The following RNF216 variants were observed in gnomAD, a reference collection of about 807,000 sequenced individuals.
RNF216 encodes E3 ubiquitin-protein ligase RNF216.
A neutral mutation model predicts 110.8 loss-of-function variants in RNF216; 72 were observed. That is an observed-to-expected ratio of 0.65 (90% confidence interval 0.54 to 0.79). The LOEUF is 0.79. RNF216 is among the 30% of genes least tolerant of loss of function. The pLI, the probability that RNF216 is intolerant of heterozygous loss-of-function variation, is 0.00. For synonymous variants in RNF216, 495 were observed against 407.5 expected, an observed-to-expected ratio of 1.21 and a Z score of -2.59; for missense variants, 1,342 against 1,141.2, an observed-to-expected ratio of 1.18 and a Z score of -2.54.
At chr7:5,653,624 A>AAG in intron 13 of RNF216, among the ~76,000 whole-genome samples, 1 of 146,628 alleles carries the variant, frequency 6.8e-6, no homozygotes, top group African/African-American at 2.5e-5. Context: ...AAAAAAAAAA[A>AAG]GAATTAAAAA....
chr7:5,755,173 A>G (rs184585415), intron 2 of RNF216, among the ~76,000 whole-genome samples: 1 of 146,322 alleles, frequency 6.8e-6, no homozygotes, highest in Non-Finnish European at 1.5e-5. Context: ...GGAAGGAAAG[A>G]GAGGAAAGGA....
At chr7:5,727,196 G>T (rs916688110) in intron 7 of RNF216, among the ~76,000 whole-genome samples, 2 of 152,234 alleles carry the variant, frequency 1.3e-5, no homozygotes, top group Non-Finnish European at 2.9e-5. Context: ...TGTTGAGAAG[G>T]TGATCTCATC....
chr7:5,771,460 C>T (rs1174364488), intron 1 of RNF216, among the ~76,000 whole-genome samples: 1 of 151,996 alleles, frequency 6.6e-6, no homozygotes, highest in Non-Finnish European at 1.5e-5. Flanking sequence ...AAAGGCAAGC[C>T]ACCAGGAGAA....
intron 13 of RNF216, among the ~76,000 whole-genome samples, chr7:5,695,890 T>C (rs948626356): frequency 6.6e-6 from 1 of 152,242 alleles, no homozygotes; most frequent in South Asian, 2.1e-4. Context: ...GCTGTTTGTG[T>C]TGCACTGAAA....
chr7:5,774,439 C>T (rs1445793518), intron 1 of RNF216, among the ~76,000 whole-genome samples: 1 of 151,826 alleles, frequency 6.6e-6, no homozygotes, highest in Non-Finnish European at 1.5e-5. Context: ...AACCTACCTC[C>T]AAAAAAATTC....
intron 3 of RNF216, among the ~76,000 whole-genome samples, chr7:5,748,722 T>G (rs80007613): frequency 0.011 from 1,635 of 151,954 alleles, 25 homozygotes; most frequent in African/African-American, 0.037. Flanking sequence ...AGTAGTTAAG[T>G]AGTTATTAAG....
At chr7:5,697,902 G>A (rs1791726916) in intron 13 of RNF216, among the ~76,000 whole-genome samples, 1 of 152,160 alleles carries the variant, frequency 6.6e-6, no homozygotes, top group Non-Finnish European at 1.5e-5. Flanking sequence ...TAACAGAGCA[G>A]GGGAGAGAAG....
At chr7:5,740,423 G>C (rs146559368) in intron 4 of RNF216, among the ~76,000 whole-genome samples, 2 of 152,262 alleles carry the variant, frequency 1.3e-5, no homozygotes, top group Non-Finnish European at 1.5e-5. Context: ...AGCACGCCCA[G>C]CCCTTGTGTT....
At position 5,657,289 on chromosome 7, in the gene RNF216, C is replaced by T. The variant is rs1049041650; in HGVS notation, c.2062-4779G>A. Among the ~76,000 whole-genome samples the T allele has an allele frequency of 2.0e-5, 3 of 152,170 alleles. No individual in the cohort carries two copies. In the South Asian group the frequency reaches 6.2e-4, roughly 31 times the overall value. ...ACCTCAAAAAATGGTGAGACTGGGCCGGGTGCAGTGGCTCACACCTGTAAT... is the reference window on the plus strand; with the variant it reads ...ACCTCAAAAAATGGTGAGACTGGGCTGGGTGCAGTGGCTCACACCTGTAAT... On this transcript the variant is annotated intron_variant, in intron 13 of 16. Transcript: ENST00000389902.
At chr7:5,765,985 A>C (rs1191038498) in intron 1 of RNF216, among the ~76,000 whole-genome samples, 1 of 150,766 alleles carries the variant, frequency 6.6e-6, no homozygotes, top group Non-Finnish European at 1.5e-5. Flanking sequence ...AGAAATAGAA[A>C]CATGAATCCA....
At chr7:5,778,813 G>A (rs958533152) in intron 1 of RNF216, among the ~76,000 whole-genome samples, 23 of 152,274 alleles carry the variant, frequency 1.5e-4, no homozygotes, top group Admixed American at 1.0e-3. Flanking sequence ...GCACAATCTC[G>A]GATCACTGCA....
chr7:5,625,156 C>T (rs912291347), intron 15 of RNF216, among the ~76,000 whole-genome samples: 20 of 152,302 alleles, frequency 1.3e-4, no homozygotes, highest in Middle Eastern at 6.8e-3. Context: ...GTGGCAACAC[C>T]GTGGCAAACC....
At chr7:5,745,394 T>C (rs1794978495) in intron 3 of RNF216, among the ~76,000 whole-genome samples, 1 of 152,170 alleles carries the variant, frequency 6.6e-6, no homozygotes, top group African/African-American at 2.4e-5. Context: ...TGAAGAAACA[T>C]TAAGTATTCC....
chr7:5,658,146 C>T (rs1042661665), intron 13 of RNF216, among the ~76,000 whole-genome samples: 5 of 152,148 alleles, frequency 3.3e-5, no homozygotes, highest in Non-Finnish European at 7.3e-5. Flanking sequence ...GGATTGACTA[C>T]AGTAAGTGCC....
At chr7:5,644,340 T>C (rs1787921361) in intron 14 of RNF216, among the ~76,000 whole-genome samples, 1 of 152,194 alleles carries the variant, frequency 6.6e-6, no homozygotes, top group Non-Finnish European at 1.5e-5. Context: ...CTGTCAAGAC[T>C]TGTTATTTTC....
rs1308020269 is a variant in RNF216, at chr7:5,747,315, CT to C, written c.202-5501del. Among the ~76,000 whole-genome samples the C allele has an allele frequency of 2.6e-5, 4 of 152,120 alleles. No homozygotes were observed. In the East Asian group the frequency reaches 7.7e-4, roughly 29 times the overall value. ...TAACTTATGATCCTAGGATACCTGACTTATTACCAGCTAACACATGGTGGGA... is the reference window on the plus strand; with the variant it reads ...TAACTTATGATCCTAGGATACCTGACTATTACCAGCTAACACATGGTGGGA... On this transcript the variant is annotated intron_variant, in intron 3 of 16. Transcript: ENST00000389902.
chr7:5,676,991 A>G (rs1440772710), intron 13 of RNF216, among the ~76,000 whole-genome samples: 1 of 152,148 alleles, frequency 6.6e-6, no homozygotes, highest in Non-Finnish European at 1.5e-5. Flanking sequence ...GCCAAACCAA[A>G]CCAAAACCCA....
chr7:5,682,961 A>G (rs1299604304), intron 13 of RNF216, among the ~76,000 whole-genome samples: 2 of 152,258 alleles, frequency 1.3e-5, no homozygotes, highest in Non-Finnish European at 2.9e-5. Context: ...AGGAGCAAGC[A>G]TAGGTAAACC....
At chr7:5,639,649 C>T (rs1787611206) in intron 15 of RNF216, among the ~76,000 whole-genome samples, 1 of 151,970 alleles carries the variant, frequency 6.6e-6, no homozygotes, top group Admixed American at 6.6e-5. Flanking sequence ...TTATTAGAGA[C>T]AGGTTTCACC....
Sources: allele counts gnomAD v4.1 joint callset (sites outside exome capture counted in the v4.1 genomes callset), GRCh38; gene constraint gnomAD v4.1.1; transcripts MANE v1.5; gene names NCBI Gene and HGNC (gene_info 2026-07-23, HGNC 2026-07-21).